The following MEMO1 variants were observed in gnomAD, a reference collection of about 807,000 sequenced individuals.
MEMO1 encodes protein MEMO1.
In MEMO1, 6 loss-of-function variants were observed where a neutral mutation model predicts 45.2. The observed-to-expected ratio is 0.13, with a 90% CI of 0.07 to 0.26. MEMO1 has a LOEUF of 0.26. Ranked by LOEUF, MEMO1 falls within the 10% of genes least tolerant of loss-of-function variation. The pLI, the probability that MEMO1 is intolerant of heterozygous loss-of-function variation, is 1.00. For missense variants in MEMO1, 184 were observed against 370.5 expected (o/e 0.50, Z 4.13); for synonymous variants, 78 against 124.3 (o/e 0.63, Z 2.48).
chr2:31,984,723 G>A (rs1329870142), intron 2 of MEMO1, among the ~76,000 whole-genome samples: 2 of 152,166 alleles, frequency 1.3e-5, no homozygotes, highest in African/African-American at 2.4e-5. Flanking sequence ...GGAGAATGGT[G>A]TGAACCCGGG....
intron 6 of MEMO1, among the ~76,000 whole-genome samples, chr2:31,917,079 T>C (rs1409394337): frequency 6.6e-6 from 1 of 152,172 alleles, no homozygotes; most frequent in Non-Finnish European, 1.5e-5. Flanking sequence ...TAATGTTATC[T>C]TAGACTTTAT....
At chr2:31,914,833 C>G (rs1681180800) in intron 6 of MEMO1, among the ~76,000 whole-genome samples, 1 of 151,876 alleles carries the variant, frequency 6.6e-6, no homozygotes, top group Non-Finnish European at 1.5e-5. Flanking sequence ...TAGTACATAC[C>G]TGTAGTGCCA....
chr2:31,915,956 G>C (rs1681371386), intron 6 of MEMO1, among the ~76,000 whole-genome samples: 3 of 152,006 alleles, frequency 2.0e-5, no homozygotes, highest in Admixed American at 2.0e-4. Flanking sequence ...AACTGACATA[G>C]GTAATGAGTC....
intron 2 of MEMO1, among the ~76,000 whole-genome samples, chr2:31,995,737 G>A (rs1455696114): frequency 6.6e-6 from 1 of 151,768 alleles, no homozygotes; most frequent in Non-Finnish European, 1.5e-5. Context: ...TAATAAAGAT[G>A]AAAAATTTCC....
At chr2:31,903,374 T>C (rs1435236428) in intron 6 of MEMO1, among the ~76,000 whole-genome samples, 1 of 138,714 alleles carries the variant, frequency 7.2e-6, no homozygotes, top group Middle Eastern at 3.5e-3. Context: ...CTGTGATTTA[T>C]TCTCCTCTCC....
At chr2:32,002,186 T>TATATATATATACAC (rs753352927) in intron 2 of MEMO1, among the ~76,000 whole-genome samples, 4 of 116,062 alleles carry the variant, frequency 3.4e-5, no homozygotes, top group African/African-American at 1.4e-4. Flanking sequence ...TATATATATA[T>TATATATATATACAC]ACACACACAC....
In MEMO1 at chr2:31,992,770, T is replaced by C. The variant is rs967058272; in HGVS notation, c.61+17417A>G. ...CTGCACTCCAGCCTGGGTGACAGAGTGAGACTCCGTCTCAAATTTAAAAAA... is the reference window on the plus strand; with the variant it reads ...CTGCACTCCAGCCTGGGTGACAGAGCGAGACTCCGTCTCAAATTTAAAAAA... On this transcript the variant is annotated intron_variant, in intron 2 of 9. Coordinates refer to ENST00000404530, the MANE Select transcript of MEMO1 (RefSeq NM_001301833.4). Among the ~76,000 whole-genome samples, 127 of 151,828 alleles carry C rather than the reference T, an allele frequency of 8.4e-4. 1 individual carries two copies. Among genetic ancestry groups the C allele is most frequent in the African/African-American group, 3.0e-3 (125 of 41,342 alleles).
At chr2:31,919,915 C>T (rs139465231) in intron 5 of MEMO1, among the ~76,000 whole-genome samples, 2 of 148,340 alleles carry the variant, frequency 1.3e-5, no homozygotes, top group East Asian at 4.0e-4. Context: ...CATATATATG[C>T]ATATGTATAC....
At chr2:31,872,106 TAACCC>T (rs1248361682) in intron 8 of MEMO1, among the ~76,000 whole-genome samples, 1 of 151,912 alleles carries the variant, frequency 6.6e-6, no homozygotes, top group African/African-American at 2.4e-5. Flanking sequence ...AGTACATTTC[TAACCC>T]AAGAATGGAT....
At chr2:31,937,407 T>A (rs553583177) in intron 3 of MEMO1, among the ~76,000 whole-genome samples, 51 of 152,292 alleles carry the variant, frequency 3.3e-4, no homozygotes, top group African/African-American at 1.2e-3. Context: ...TTGACATGAA[T>A]ATCCTATGGC....
At chr2:32,006,197 A>C (rs1189114795) in intron 2 of MEMO1, among the ~76,000 whole-genome samples, 1 of 152,208 alleles carries the variant, frequency 6.6e-6, no homozygotes, top group Non-Finnish European at 1.5e-5. Context: ...CAGTGAGGAA[A>C]TGATCAAAGG....
In MEMO1 at chr2:31,879,782, A is replaced by C. The variant is rs1675080222; in HGVS notation, c.657+3604T>G. Among the ~76,000 whole-genome samples, 2 of 152,216 alleles carry C rather than the reference A, an allele frequency of 1.3e-5. 1 individual carries two copies. Among genetic ancestry groups the C allele is most frequent in the South Asian group, 4.1e-4 (2 of 4,836 alleles). ...TTTCAAGTTGTATAACCACACTTCA[A>C]ATACTCAATAAATACATGTGACTGG... On this transcript the variant is annotated intron_variant, in intron 8 of 9. Transcript: ENST00000404530.
chr2:31,908,734 G>A (rs1394510088), intron 6 of MEMO1, among the ~76,000 whole-genome samples: 1 of 152,160 alleles, frequency 6.6e-6, no homozygotes, highest in Non-Finnish European at 1.5e-5. Flanking sequence ...ACTTCACTGA[G>A]TATTCTGTTC....
intron 3 of MEMO1, among the ~76,000 whole-genome samples, chr2:31,934,284 T>TC (rs1262608600): frequency 3.3e-5 from 5 of 152,116 alleles, no homozygotes; most frequent in African/African-American, 4.8e-5. Flanking sequence ...TTAAAGGCTC[T>TC]AATCCCCAAT....
chr2:31,909,104 C>T (rs1394701219), intron 6 of MEMO1, among the ~76,000 whole-genome samples: 1 of 152,162 alleles, frequency 6.6e-6, no homozygotes, highest in East Asian at 1.9e-4. Context: ...GTAGAAGGAA[C>T]ATACTTCAAC....
intron 3 of MEMO1, among the ~76,000 whole-genome samples, chr2:31,932,919 C>T (rs1483737383): frequency 6.6e-6 from 1 of 152,052 alleles, no homozygotes; most frequent in Non-Finnish European, 1.5e-5. Flanking sequence ...CCCTTTCATC[C>T]TCTGGTCTCC....
chr2:31,949,416 T>TA (rs1476932680), intron 2 of MEMO1, among the ~76,000 whole-genome samples: 1 of 151,876 alleles, frequency 6.6e-6, no homozygotes, highest in Non-Finnish European at 1.5e-5. Flanking sequence ...ACATAAGCCA[T>TA]AAAAAAGAAT....
chr2:32,010,400 G>C (rs1271668049), intron 1 of MEMO1, 136 bp from the exon 2 acceptor site: 1 of 414,172 alleles, frequency 2.4e-6, no homozygotes, highest in Non-Finnish European at 4.5e-6. Context: ...AGGAGGAGGA[G>C]GAAGAGGAGG....
intron 3 of MEMO1, among the ~76,000 whole-genome samples, chr2:31,938,835 G>A (rs1665259937): frequency 6.9e-6 from 1 of 144,082 alleles, no homozygotes; most frequent in Non-Finnish European, 1.5e-5. Flanking sequence ...TACCCAGGCT[G>A]GGGTGCAGTG....
Sources: allele counts gnomAD v4.1 joint callset (sites outside exome capture counted in the v4.1 genomes callset), GRCh38; gene constraint gnomAD v4.1.1; transcripts MANE v1.5; gene names NCBI Gene and HGNC (gene_info 2026-07-23, HGNC 2026-07-21).